The following ARHGAP19 variants were observed in gnomAD, a reference collection of about 807,000 sequenced individuals.
The protein encoded by ARHGAP19 is Rho GTPase activating protein 19.
A neutral mutation model predicts 60.9 loss-of-function variants in ARHGAP19; 48 were observed. The observed-to-expected ratio is 0.79, with a 90% CI of 0.62 to 1.00. ARHGAP19 has a LOEUF of 1.00. Ranked by LOEUF, ARHGAP19 falls within the 50% of genes least tolerant of loss-of-function variation. The pLI, the probability that ARHGAP19 is intolerant of heterozygous loss-of-function variation, is 0.00. For synonymous variants in ARHGAP19, 209 were observed against 215.5 expected (o/e 0.97, Z 0.27); for missense variants, 562 against 597.2 (o/e 0.94, Z 0.61).
At chr10:97,273,645 T>C (rs1299414413) in intron 1 of ARHGAP19, among the ~76,000 whole-genome samples, 1 of 151,750 alleles carries the variant, frequency 6.6e-6, no homozygotes, top group African/African-American at 2.4e-5. Flanking sequence ...AGTGCCATTG[T>C]GCCCAGCTAA....
At chr10:97,246,230 A>C (rs1589452441) in intron 7 of ARHGAP19, 42 bp downstream of exon 7, 1 of 1,514,116 alleles carries the variant, frequency 6.6e-7, no homozygotes, top group East Asian at 2.2e-5. Context: ...ACAAATCTTA[A>C]TGCTCTCCTT....
chr10:97,251,392 G>A (rs1271270700), intron 6 of ARHGAP19, among the ~76,000 whole-genome samples: 1 of 40,236 alleles, frequency 2.5e-5, no homozygotes, highest in African/African-American at 1.2e-4. Context: ...GGAAGGGGAA[G>A]GGAAGGGGAA....
intron 1 of ARHGAP19, among the ~76,000 whole-genome samples, chr10:97,279,553 C>T (rs756053335): frequency 3.3e-5 from 5 of 152,030 alleles, no homozygotes; most frequent in East Asian, 1.9e-4. Context: ...AGTGCAATGG[C>T]GCAATCATGA....
In ARHGAP19 at chr10:97,259,456, C is replaced by T. The variant is rs1682090860; in HGVS notation, c.786G>A (p.Met262Ile). The stretch of plus-strand genomic sequence containing the variant: ...ACATAAGGGCAAGGTTATAGGCTGA[C>T]ATCTTGTTCTTGTCTTGTTTCTTTG... ...QTAKKQDKNK[M>I]SAYNLALMFA... is the part of the protein sequence containing the mutation. The change falls in exon 5 of 12, where the codon ATG becomes ATA. Residue 262 changes from methionine (M) to isoleucine (I), a missense_variant. Coordinates refer to ENST00000358531, the MANE Select transcript of ARHGAP19 (RefSeq NM_032900.6). 6.2e-7 allele frequency: 1 copy of T among 1,614,174 alleles called. No homozygotes were observed. The highest frequency in any genetic ancestry group is 8.5e-7 in the Non-Finnish European group (1 of 1,180,028).
intron 8 of ARHGAP19, among the ~76,000 whole-genome samples, chr10:97,236,720 TC>T (rs1167587882): frequency 1.4e-5 from 2 of 146,082 alleles, no homozygotes; most frequent in Non-Finnish European, 3.0e-5. Context: ...GGTGGGAGGA[TC>T]ATGATCACCT....
intron 6 of ARHGAP19, among the ~76,000 whole-genome samples, chr10:97,253,989 T>C (rs1393524780): frequency 6.6e-6 from 1 of 152,100 alleles, no homozygotes; most frequent in Non-Finnish European, 1.5e-5. Context: ...ATGAAAACTA[T>C]AAAATACTAC....
chr10:97,276,851 C>T (rs1291189356), intron 1 of ARHGAP19, among the ~76,000 whole-genome samples: 3 of 11,390 alleles, frequency 2.6e-4, no homozygotes, highest in Non-Finnish European at 1.6e-3. Flanking sequence ...CCCCCCTGCC[C>T]GGCCAGCCGC....
At chr10:97,272,131 C>CTTTTTTTTTTTTT (rs35980234) in intron 1 of ARHGAP19, among the ~76,000 whole-genome samples, 15 of 85,632 alleles carry the variant, frequency 1.8e-4, no homozygotes, top group Non-Finnish European at 2.8e-4. Context: ...GGAAATATGT[C>CTTTTTTTTTTTTT]TTTTTTTTTT....
chr10:97,234,050 TGAGGTCAGGAGTTCCAGACCAGCCTGGCC>T lies in ARHGAP19; in HGVS notation c.1284+1138_1284+1166del, dbSNP rs772017010. Among the ~76,000 whole-genome samples the T allele has an allele frequency of 3.8e-3, 580 of 151,970 alleles. 5 individuals carry two copies. The highest frequency in any genetic ancestry group is 8.3e-3 in the Admixed American group (126 of 15,250). ...GGGAGGCTGAGGCGGGTGAATCACC[TGAGGTCAGGAGTTCCAGACCAGCCTGGCC>T]GACATGGTGAAACCCCCTCTCTACT... is the stretch of plus-strand genomic sequence containing the variant. On this transcript the variant is annotated intron_variant, in intron 9 of 11. Coordinates refer to ENST00000358531, the MANE Select transcript of ARHGAP19 (RefSeq NM_032900.6).
At chr10:97,264,696 C>G (rs976667744) in intron 3 of ARHGAP19, 130 bp downstream of exon 3, 9 of 604,708 alleles carry the variant, frequency 1.5e-5, no homozygotes, top group Non-Finnish European at 2.6e-5. Context: ...AAACATGCCA[C>G]CCAAAATTAA....
chr10:97,245,700 G>C (rs1842554165), intron 7 of ARHGAP19, among the ~76,000 whole-genome samples: 1 of 151,522 alleles, frequency 6.6e-6, no homozygotes, highest in Non-Finnish European at 1.5e-5. Flanking sequence ...AAGTCTTTTA[G>C]CCATTTGATA....
chr10:97,231,808 T>G (rs1250029680), intron 9 of ARHGAP19, among the ~76,000 whole-genome samples: 1 of 152,110 alleles, frequency 6.6e-6, no homozygotes, highest in Non-Finnish European at 1.5e-5. Context: ...TTTCAATTCT[T>G]TTGGTTATAT....
intron 1 of ARHGAP19, among the ~76,000 whole-genome samples, chr10:97,292,170 T>C (rs1036109971): frequency 6.6e-6 from 1 of 152,202 alleles, no homozygotes; most frequent in African/African-American, 2.4e-5. Context: ...GACACTCAAA[T>C]CCTTGCTCGG....
rs1483572877 is a variant in ARHGAP19, at chr10:97,224,018, C to T, written c.*2104G>A. 2.0e-5 allele frequency: 3 copies of T among 152,230 alleles called. No homozygotes were observed. Among genetic ancestry groups the T allele is most frequent in the African/African-American group, 4.8e-5 (2 of 41,458 alleles). 9.4% of individuals were successfully genotyped at this position (152,230 alleles called of 1,614,324 possible). A position where few individuals can be genotyped will look rare whatever the true frequency, so the allele number is the denominator to read the frequency against. On this transcript the variant is annotated 3_prime_UTR_variant, in exon 12 of 12. Transcript: ENST00000358531. ...ATAAATATCTCTCTCATGATCCTCA[C>T]CCCAGAACACAACCTTTGCTTATGA... is the stretch of plus-strand genomic sequence containing the variant.
intron 1 of ARHGAP19, among the ~76,000 whole-genome samples, chr10:97,289,217 C>T (rs192817151): frequency 1.0e-3 from 154 of 151,608 alleles, no homozygotes; most frequent in African/African-American, 3.5e-3. Flanking sequence ...TAGGTTCAAG[C>T]GATTCTCCTG....
chr10:97,273,962 TACACACAC>T (rs55827822), intron 1 of ARHGAP19, among the ~76,000 whole-genome samples: 1 of 149,866 alleles, frequency 6.7e-6, no homozygotes, highest in African/African-American at 2.5e-5. Flanking sequence ...AAGCCACACA[TACACACAC>T]ACACACACAA....
intron 1 of ARHGAP19, among the ~76,000 whole-genome samples, chr10:97,282,132 T>G (rs1843092941): frequency 6.6e-6 from 1 of 152,196 alleles, no homozygotes; most frequent in Non-Finnish European, 1.5e-5. Context: ...GCACTGCCTG[T>G]GAGCATGTCA....
intron 8 of ARHGAP19, among the ~76,000 whole-genome samples, chr10:97,237,495 C>T: frequency 6.6e-6 from 1 of 152,114 alleles, no homozygotes. Flanking sequence ...TGCAGTGATG[C>T]TGGAATAAAC....
rs1190043197 is a variant in ARHGAP19, at chr10:97,224,263, T to C, written c.*1859A>G. 1.3e-5 allele frequency: 2 copies of C among 152,202 alleles called. No individual in the cohort carries two copies. Among genetic ancestry groups the C allele is most frequent in the South Asian group, 2.1e-4 (1 of 4,834 alleles). The allele number at this position is 152,202 out of a possible 1,614,324, so 9.4% of individuals were successfully genotyped here. A position where few individuals can be genotyped will look rare whatever the true frequency, so the allele number is the denominator to read the frequency against. ...AGTTAAGGAAGAATACCATTTCAAT[T>C]TGGTGATACCCAAAGGGTTTTCTGT... is the stretch of plus-strand genomic sequence containing the variant. On this transcript the variant is annotated 3_prime_UTR_variant, in exon 12 of 12. Transcript: ENST00000358531.
Sources: allele counts gnomAD v4.1 joint callset (sites outside exome capture counted in the v4.1 genomes callset), GRCh38; gene constraint gnomAD v4.1.1; transcripts MANE v1.5; gene names NCBI Gene and HGNC (gene_info 2026-07-23, HGNC 2026-07-21).